Variants in RYR1 observed in about 807,000 individuals in gnomAD.
RYR1 encodes the protein central core disease of muscle.
A neutral mutation model predicts 583.5 loss-of-function variants in RYR1; 342 were observed. The observed-to-expected ratio is 0.59, with a 90% CI of 0.54 to 0.64. RYR1 has a LOEUF of 0.64. RYR1 is among the 30% of genes least tolerant of loss of function. The pLI is 0.00. For missense variants in RYR1, 6,032 were observed against 6,917.2 expected (o/e 0.87, Z 4.54); for synonymous variants, 2,791 against 2,822.5 (o/e 0.99, Z 0.35).
At chr19:38,536,197 G>A (rs567856120) in intron 82 of RYR1, 127 bp downstream of exon 82, 23 of 820,994 alleles carry the variant, frequency 2.8e-5, no homozygotes, top group Middle Eastern at 3.5e-4. Context: ...GGGCTCCCTC[G>A]GGTCCCTCCC....
rs1970546581 is a variant in RYR1, at chr19:38,507,824, CT to C, written c.8930del (p.Leu2977ArgfsTer29). 6.2e-7 allele frequency: 1 copy of C among 1,605,968 alleles called. No homozygotes were observed. The highest frequency in any genetic ancestry group is 1.4e-5 in the African/African-American group (1 of 73,902). ...MDISQEFIAH[L>X]EAVVSSGRVE... is the part of the protein sequence containing the mutation. ...CATTTCTCAGGAGTTCATTGCCCACCTGGGTACGGAGAAATACCCCCCGCTT... is the reference window on the plus strand; with the variant it reads ...CATTTCTCAGGAGTTCATTGCCCACCGGGTACGGAGAAATACCCCCCGCTT... On this transcript the variant is annotated frameshift_variant and splice_region_variant, in exon 58 of 106. Coordinates refer to ENST00000359596, the MANE Select transcript of RYR1 (RefSeq NM_000540.3). LOFTEE classifies it high-confidence loss of function.
At chr19:38,441,287 C>T (rs1000955508) in intron 2 of RYR1, among the ~76,000 whole-genome samples, 2 of 148,526 alleles carry the variant, frequency 1.3e-5, no homozygotes, top group Admixed American at 6.7e-5. Flanking sequence ...TAGGGAGGGA[C>T]GAGGCAAAGG....
chr19:38,582,964 T>A (rs535863607), intron 101 of RYR1, among the ~76,000 whole-genome samples: 1 of 152,182 alleles, frequency 6.6e-6, no homozygotes, highest in East Asian at 1.9e-4. Context: ...GTTTTTACTC[T>A]AGGATGACTG....
intron 47 of RYR1, 79 bp downstream of exon 47, chr19:38,501,069 A>T (rs894563019): frequency 2.8e-6 from 4 of 1,408,812 alleles, no homozygotes; most frequent in African/African-American, 1.4e-5. Context: ...GAGCAGCAGC[A>T]GCTGCTTTTG....
intron 11 of RYR1, 91 bp from the exon 12 acceptor site, chr19:38,451,673 G>A (rs1967079820): frequency 1.4e-6 from 2 of 1,470,554 alleles, no homozygotes; most frequent in South Asian, 1.1e-5. Flanking sequence ...GGAGGAGGGG[G>A]CAAGTGCAGA....
chr19:38,551,660 C>T (rs1485868418), intron 89 of RYR1, among the ~76,000 whole-genome samples: 1 of 152,118 alleles, frequency 6.6e-6, no homozygotes, highest in Non-Finnish European at 1.5e-5. Context: ...GACCTCTTTA[C>T]CTCTGACTGT....
intron 64 of RYR1, 95 bp from the exon 65 acceptor site, chr19:38,515,992 G>A: frequency 2.1e-6 from 3 of 1,417,672 alleles, no homozygotes; most frequent in East Asian, 2.5e-5. Flanking sequence ...TGTCCCAAAG[G>A]GTTCTGGGAG....
intron 95 of RYR1, 132 bp from the exon 96 acceptor site, chr19:38,573,045 A>G (rs1973794397): frequency 1.4e-6 from 2 of 1,449,786 alleles, no homozygotes; most frequent in African/African-American, 2.8e-5. Flanking sequence ...CCTCATTTCT[A>G]CCCTTATCAC....
intron 22 of RYR1, 69 bp from the exon 23 acceptor site, chr19:38,464,570 G>T: frequency 7.4e-7 from 1 of 1,354,406 alleles, no homozygotes; most frequent in Admixed American, 2.0e-5. Flanking sequence ...AGACCCTGAG[G>T]CCGTGGGAGG....
intron 72 of RYR1, 89 bp downstream of exon 72, chr19:38,527,141 C>A: frequency 1.4e-6 from 2 of 1,457,534 alleles, no homozygotes; most frequent in Non-Finnish European, 1.9e-6. Context: ...AAAGACCAGG[C>A]ATTGAAGAAA....
Position 38,570,990 on chromosome 19 carries a change from C to T in RYR1, c.13746+297C>T, listed in dbSNP as rs564144093. 3.9e-5 allele frequency among the ~76,000 whole-genome samples: 6 copies of T among 152,368 alleles called. No homozygotes were observed. The South Asian group carries it at 1.0e-3, about 26-fold the overall frequency. On this transcript the variant is annotated intron_variant, in intron 94 of 105. Coordinates refer to ENST00000359596, the MANE Select transcript of RYR1 (RefSeq NM_000540.3). The stretch of plus-strand genomic sequence containing the variant: ...CATGCCAGTCCTGTGCGCCTGGGTG[C>T]AGGCCCTCAGCTCTTGGCAACACCC...
chr19:38,575,470 C>T (rs898095314), intron 96 of RYR1, among the ~76,000 whole-genome samples: 1 of 151,970 alleles, frequency 6.6e-6, no homozygotes, highest in Non-Finnish European at 1.5e-5. Flanking sequence ...TTGAGACCAG[C>T]CTGGCCAACA....
chr19:38,494,471 G>A lies in RYR1; in HGVS notation c.6394G>A (p.Gly2132Ser). ...SLLHRQYDGLGELLRALPRAY... is the reference protein window; with the variant it reads ...SLLHRQYDGLSELLRALPRAY... ...CCTGCACCGGCAGTACGACGGGCTG[G>A]GTGAGCTGCTGCGTGCCCTGCCGCG... Residue 2132 changes from glycine to serine, a missense_variant, in exon 39 of 106, where the codon GGT (glycine) becomes AGT (serine). Transcript: ENST00000359596. The A allele has an allele frequency of 1.2e-6, 2 of 1,612,884 alleles. No individual in the cohort carries two copies. Among genetic ancestry groups the A allele is most frequent in the Non-Finnish European group, 1.7e-6 (2 of 1,180,022 alleles).
chr19:38,516,277 G>A, intron 65 of RYR1, 60 bp downstream of exon 65: 1 of 1,533,132 alleles, frequency 6.5e-7, no homozygotes, highest in Non-Finnish European at 8.8e-7. Flanking sequence ...ACAGGGCCTT[G>A]GGGAGACCCT....
Position 38,512,383 on chromosome 19 carries a change from C to A in RYR1, c.9372C>A (p.Gly3124=). Residue 3124 remains glycine (G), a synonymous_variant, in exon 63 of 106, where the codon GGC becomes GGA. Coordinates refer to ENST00000359596, the MANE Select transcript of RYR1 (RefSeq NM_000540.3). This position sits in a 1 kb window ranked among gnomAD's most constrained non-coding sequence, Gnocchi z 5.1. ...CGCAGGCGCGCACCCAGGTGAAAGG[C>A]GTGGGCCAGAACCTCACCTACACCA... ...KVSQARTQVK[G]VGQNLTYTTV... The A allele has an allele frequency of 1.9e-6, 3 of 1,614,054 alleles. No homozygotes were observed. Among genetic ancestry groups the A allele is most frequent in the Non-Finnish European group, 2.5e-6 (3 of 1,180,050 alleles).
At chr19:38,509,876 A>ATTCATTCAT (rs1180366403) in intron 58 of RYR1, among the ~76,000 whole-genome samples, 2 of 152,172 alleles carry the variant, frequency 1.3e-5, no homozygotes, top group Admixed American at 6.6e-5. Context: ...CATTTGGTTC[A>ATTCATTCAT]TTCATTCATT....
rs552357645 is a variant in RYR1 at position 38,532,122 on chromosome 19, C to CTT, written c.11142-352_11142-351dup. ...GGCCCTCCAAAGAAAACCAGAAGCT[C>CTT]TTTTTTTTTTTTTTTTTGAGATGGA... On this transcript the variant is annotated intron_variant, in intron 76 of 105. Coordinates refer to ENST00000359596, the MANE Select transcript of RYR1 (RefSeq NM_000540.3). 1.5e-3 allele frequency among the ~76,000 whole-genome samples: 211 copies of CTT among 138,728 alleles called. 2 individuals carry two copies. Among genetic ancestry groups the CTT allele is most frequent in the African/African-American group, 5.3e-3 (195 of 37,094 alleles). 91.0% of individuals were successfully genotyped at this position (138,728 alleles called of 152,430 possible).
rs774845187 is a variant in RYR1 at position 38,496,553 on chromosome 19, C to T, written c.6796+12C>T. On this transcript the variant is annotated intron_variant, in intron 41 of 105. Transcript: ENST00000359596. This position sits in a 1 kb window ranked among gnomAD's most constrained non-coding sequence, Gnocchi z 4.8. The stretch of plus-strand genomic sequence containing the variant: ...TGGCATCGGCCTGGGTGAGAACCCC[C>T]GAGCCCAGGGGCTGTCCCCCAGAAC... 68 of 1,612,966 alleles carry T rather than the reference C, an allele frequency of 4.2e-5. No individual in the cohort carries two copies. The highest frequency in any genetic ancestry group is 6.7e-5 in the African/African-American group (5 of 74,924).
Position 38,464,826 on chromosome 19 carries a change from G to A in RYR1, c.2870+104G>A, listed in dbSNP as rs111233484. The stretch of plus-strand genomic sequence containing the variant: ...GGGTCTTGTGGGGAGGCTGAGGTTA[G>A]GGAGGAAGGAGACTTGGGTTAGGGT... On this transcript the variant is annotated intron_variant, in intron 23 of 105. Transcript: ENST00000359596. 1.1e-4 allele frequency: 109 copies of A among 1,008,762 alleles called. 5 individuals carry two copies. In the African/African-American group the frequency reaches 1.1e-3, roughly 11 times the overall value. 62.5% of individuals were successfully genotyped at this position (1,008,762 alleles called of 1,614,324 possible).
Sources: gnomAD v4.1 joint callset for allele counts (sites outside exome capture counted in the v4.1 genomes callset) on GRCh38, gnomAD v4.1.1 for gene constraint, Gnocchi (gnomAD v3.1) non-coding constraint, MANE v1.5 for transcripts, NCBI Gene and HGNC (gene_info 2026-07-23, HGNC 2026-07-21) for gene names.